The following CLASP1 variants were observed in gnomAD, a reference collection of about 807,000 sequenced individuals.
The protein encoded by CLASP1 is CLIP-associating protein 1.
A neutral mutation model predicts 192.3 loss-of-function variants in CLASP1; 38 were observed. The ratio of observed to expected loss-of-function variants is 0.20; its 90% confidence interval spans 0.15 to 0.26. The LOEUF (loss-of-function observed/expected upper bound fraction) is 0.26, where lower values mean the gene tolerates loss of function less well. CLASP1 is among the 10% of genes least tolerant of loss of function. CLASP1 has a pLI of 1.00. For synonymous variants in CLASP1, 691 were observed against 712.8 expected, an observed-to-expected ratio of 0.97 and a Z score of 0.49; for missense variants, 1,433 against 1,932.5, an observed-to-expected ratio of 0.74 and a Z score of 4.85.
intron 8 of CLASP1, among the ~76,000 whole-genome samples, chr2:121,495,257 A>G (rs908463834): frequency 1.3e-5 from 2 of 152,086 alleles, no homozygotes; most frequent in African/African-American, 4.8e-5. Context: ...CAGGAGGCAG[A>G]GATTGCAGTG....
chr2:121,345,024 T>TG (rs1476614211), intron 39 of CLASP1, among the ~76,000 whole-genome samples: 1 of 152,100 alleles, frequency 6.6e-6, no homozygotes, highest in East Asian at 1.9e-4. Context: ...CCAGGCGTGG[T>TG]GGCGCACGCC....
intron 2 of CLASP1, among the ~76,000 whole-genome samples, chr2:121,541,103 GC>G (rs1275741615): frequency 6.6e-6 from 1 of 152,142 alleles, no homozygotes; most frequent in African/African-American, 2.4e-5. Flanking sequence ...ATAACAAGAA[GC>G]TTAGACCTCC....
intron 7 of CLASP1, among the ~76,000 whole-genome samples, chr2:121,513,735 C>G (rs1319335117): frequency 1.3e-5 from 2 of 152,242 alleles, no homozygotes; most frequent in African/African-American, 4.8e-5. Flanking sequence ...ATCCTAGAGA[C>G]TCTCCTGGTA....
At chr2:121,578,707 A>G (rs2060807561) in intron 2 of CLASP1, among the ~76,000 whole-genome samples, 1 of 149,076 alleles carries the variant, frequency 6.7e-6, no homozygotes, top group Non-Finnish European at 1.5e-5. Context: ...AAGCCTGGCA[A>G]CAGAGCAAGA....
intron 2 of CLASP1, among the ~76,000 whole-genome samples, chr2:121,597,223 T>A (rs1392728209): frequency 1.3e-5 from 2 of 152,218 alleles, no homozygotes; most frequent in Non-Finnish European, 2.9e-5. Context: ...GTCTTCTCAT[T>A]TGTAAAATGG....
intron 10 of CLASP1, among the ~76,000 whole-genome samples, chr2:121,462,289 A>G (rs2088233432): frequency 6.0e-5 from 9 of 150,918 alleles, no homozygotes; most frequent in Admixed American, 5.9e-4. Flanking sequence ...TTTCTCTTTT[A>G]TGTGACCTGA....
At chr2:121,499,033 C>G (rs759644601) in intron 8 of CLASP1, among the ~76,000 whole-genome samples, 19 of 152,204 alleles carry the variant, frequency 1.2e-4, no homozygotes, top group Non-Finnish European at 2.6e-4. Context: ...AGCAGTTACT[C>G]AGAAAGTTAA....
intron 31 of CLASP1, among the ~76,000 whole-genome samples, chr2:121,387,437 A>G (rs2073477254): frequency 6.6e-6 from 1 of 152,070 alleles, no homozygotes; most frequent in East Asian, 1.9e-4. Context: ...GAGTCAAATG[A>G]TTGATGTTGG....
chr2:121,404,152 A>T, intron 26 of CLASP1: 1 of 400,174 alleles, frequency 2.5e-6, no homozygotes, highest in Non-Finnish European at 3.4e-6. Flanking sequence ...GATAACATTT[A>T]CTTGAAACAC....
At chr2:121,551,609 A>G (rs2872089) in intron 2 of CLASP1, among the ~76,000 whole-genome samples, 37,726 of 152,066 alleles carry the variant, frequency 0.25, 7,405 homozygotes, top group African/African-American at 0.54. Flanking sequence ...ATTGCCACAA[A>G]AAGAATAAAA....
At chr2:121,571,739 G>T (rs1576103500) in intron 2 of CLASP1, among the ~76,000 whole-genome samples, 1 of 152,132 alleles carries the variant, frequency 6.6e-6, no homozygotes, top group Non-Finnish European at 1.5e-5. Flanking sequence ...AAGAGAATGG[G>T]GTGGCAGGAG....
intron 8 of CLASP1, among the ~76,000 whole-genome samples, chr2:121,493,745 GA>G (rs34359995): frequency 1.7e-3 from 252 of 148,180 alleles, no homozygotes; most frequent in African/African-American, 4.6e-3. Flanking sequence ...CAACTCAATA[GA>G]AAAAAAAAAT....
chr2:121,625,973 C>T (rs2068272989), intron 1 of CLASP1, among the ~76,000 whole-genome samples: 1 of 151,836 alleles, frequency 6.6e-6, no homozygotes, highest in South Asian at 2.1e-4. Flanking sequence ...GTGGCACGCA[C>T]CTGTAATCCC....
chr2:121,528,564 C>A lies in CLASP1; in HGVS notation c.378+113G>T. On this transcript the variant is annotated intron_variant, in intron 4 of 39. Transcript: ENST00000263710. Reference sequence around the variant, plus strand: ...GCTGTGAAAATTTTTATCTGTAATACATCAGCTTAAGTCTATGGAGTCACA... The same window carrying A: ...GCTGTGAAAATTTTTATCTGTAATAAATCAGCTTAAGTCTATGGAGTCACA... 3 of 779,698 alleles carry A rather than the reference C, an allele frequency of 3.8e-6. No homozygotes were observed. The South Asian group carries it at 4.6e-5, about 12-fold the overall frequency. 48.3% of individuals were successfully genotyped at this position (779,698 alleles called of 1,614,324 possible).
chr2:121,534,421 CTGTT>C (rs1037802747), intron 2 of CLASP1, among the ~76,000 whole-genome samples: 18 of 152,236 alleles, frequency 1.2e-4, no homozygotes, highest in African/African-American at 3.9e-4. Context: ...TGAGGTTAGA[CTGTT>C]TGTGCCCAAA....
intron 19 of CLASP1, among the ~76,000 whole-genome samples, chr2:121,442,237 T>C (rs2083468279): frequency 2.0e-5 from 3 of 152,228 alleles, no homozygotes; most frequent in South Asian, 2.1e-4. Flanking sequence ...AAAGACATTA[T>C]GTTTCCCTCA....
intron 1 of CLASP1, among the ~76,000 whole-genome samples, chr2:121,634,393 T>G (rs2070404661): frequency 6.6e-6 from 1 of 152,188 alleles, no homozygotes; most frequent in South Asian, 2.1e-4. Context: ...TCTCTGTTTT[T>G]AGGCCCATTT....
At chr2:121,633,977 G>C (rs1356045831) in intron 1 of CLASP1, among the ~76,000 whole-genome samples, 1 of 149,022 alleles carries the variant, frequency 6.7e-6, no homozygotes, top group Non-Finnish European at 1.5e-5. Flanking sequence ...CAGCCTGGGC[G>C]ACAGAGCGAG....
exon 2 of CLASP1, chr2:121,605,945 A>G (rs759268178): frequency 6.5e-7 from 1 of 1,538,194 alleles, no homozygotes. Context: ...AGTCACGATG[A>G]CTCCCTCCCA....
Sources: gnomAD v4.1 joint callset for allele counts (sites outside exome capture counted in the v4.1 genomes callset) on GRCh38, gnomAD v4.1.1 for gene constraint, MANE v1.5 for transcripts, NCBI Gene and HGNC (gene_info 2026-07-23, HGNC 2026-07-21) for gene names.